MTOR: variants seen among roughly 807,000 people sequenced by gnomAD.
MTOR encodes the protein serine/threonine-protein kinase mTOR.
MTOR carries 70 observed loss-of-function variants against 319.8 expected under a neutral mutation model. The observed-to-expected ratio is 0.22, with a 90% CI of 0.18 to 0.27. The LOEUF (loss-of-function observed/expected upper bound fraction) is 0.27, where lower values mean the gene tolerates loss of function less well. Among genes scored for constraint, MTOR ranks in the 10% least tolerant of loss-of-function variants. The pLI, the probability that MTOR is intolerant of heterozygous loss-of-function variation, is 1.00. For missense variants in MTOR, 1,890 were observed against 3,274.4 expected (o/e 0.58, Z 10.32); for synonymous variants, 1,183 against 1,211.4 (o/e 0.98, Z 0.49).
chr1:11,143,786 A>C (rs1643823924), intron 34 of MTOR: 1 of 152,182 alleles, frequency 6.6e-6, no homozygotes, highest in African/African-American at 2.4e-5. Flanking sequence ...GAAATGGTTT[A>C]TAATTGCGGG....
intron 32 of MTOR, 43 bp downstream of exon 32, chr1:11,146,633 A>G (rs2275942): frequency 3.3e-6 from 5 of 1,517,598 alleles, no homozygotes; most frequent in South Asian, 1.1e-5. Context: ...AAGCACTACA[A>G]TCTTTTCCTC....
chr1:11,116,059 A>C (rs1642150730), intron 50 of MTOR, among the ~76,000 whole-genome samples: 1 of 152,234 alleles, frequency 6.6e-6, no homozygotes, highest in Non-Finnish European at 1.5e-5. Context: ...TTTACTCTCA[A>C]ATAGTTGCAT....
intron 28 of MTOR, chr1:11,193,854 T>G: frequency 1.4e-6 from 2 of 1,386,726 alleles, no homozygotes; most frequent in Non-Finnish European, 2.0e-6. Context: ...GTGCCATTCC[T>G]ATTCTGATTC....
chr1:11,152,157 C>A (rs559729173), intron 30 of MTOR, among the ~76,000 whole-genome samples: 1 of 152,110 alleles, frequency 6.6e-6, no homozygotes, highest in Non-Finnish European at 1.5e-5. Flanking sequence ...CAGAATATAC[C>A]GAGTCCTACC....
chr1:11,210,377 T>G (rs1167108561), intron 24 of MTOR, among the ~76,000 whole-genome samples: 1 of 152,224 alleles, frequency 6.6e-6, no homozygotes, highest in Non-Finnish European at 1.5e-5. Context: ...CTCAAACTCC[T>G]GGGCTCAAGC....
At chr1:11,243,090 TGA>T (rs2100921561) in intron 9 of MTOR, 22 bp downstream of exon 9, 1 of 1,611,290 alleles carries the variant, frequency 6.2e-7, no homozygotes, top group African/African-American at 1.3e-5. Flanking sequence ...GAGTGGAAGG[TGA>T]AATCATAACA....
At chr1:11,173,907 G>C (rs2100640579) in intron 28 of MTOR, among the ~76,000 whole-genome samples, 1 of 152,232 alleles carries the variant, frequency 6.6e-6, no homozygotes, top group South Asian at 2.1e-4. Context: ...CATCACGGGA[G>C]GCAACAAGAA....
At chr1:11,257,494 CAG>C (rs1276724468) in intron 3 of MTOR, among the ~76,000 whole-genome samples, 1 of 138,504 alleles carries the variant, frequency 7.2e-6, no homozygotes, top group Non-Finnish European at 1.5e-5. Context: ...ACCTGGGAGG[CAG>C]AGGTTGCAGT....
Position 11,121,274 on chromosome 1 carries a change from A to T in MTOR, c.6905T>A (p.Leu2302Gln). The T allele has an allele frequency of 6.2e-7, 1 of 1,613,940 alleles. No homozygotes were observed. Among genetic ancestry groups the T allele is most frequent in the Non-Finnish European group, 8.5e-7 (1 of 1,180,040 alleles). The change falls in exon 49 of 58, where the codon CTG becomes CAG. Residue 2302 changes from leucine (L) to glutamine (Q), a missense_variant. This residue lies in a region of MTOR where 249 missense variants were observed against 596.2 expected (regional missense o/e 0.42). Coordinates refer to ENST00000361445, the MANE Select transcript of MTOR (RefSeq NM_004958.4). This position sits in a 1 kb window ranked among gnomAD's most constrained non-coding sequence, Gnocchi z 4.9. ...GGAGCTGGGGCTTTTCAGCCACAGC[A>T]GCTTGGCCAGGTCGTCCCCAGCTGT... ...NNTAGDDLAK[L>Q]LWLKSPSSEV... is the part of the protein sequence containing the mutation.
At chr1:11,233,090 C>G (rs11121702) in intron 15 of MTOR, 1 of 1,111,954 alleles carries the variant, frequency 9.0e-7, no homozygotes, top group Non-Finnish European at 1.3e-6. Flanking sequence ...AAAAAAGACA[C>G]TGGAGAAGAA....
At chr1:11,257,380 CAAA>C (rs1006118528) in intron 3 of MTOR, among the ~76,000 whole-genome samples, 2 of 36,786 alleles carry the variant, frequency 5.4e-5, no homozygotes, top group Non-Finnish European at 1.2e-4. Flanking sequence ...TACTAAGATA[CAAA>C]AAAAAAAAAA....
Position 11,238,393 on chromosome 1 carries a change from A to G in MTOR, c.2002+9T>C. ...CTCCCCTAGATTCCTTCTGTCTGGC[A>G]AGCCTTACCAGGATCTGTTATCCCA... On this transcript the variant is annotated intron_variant, in intron 12 of 57. Coordinates refer to ENST00000361445, the MANE Select transcript of MTOR (RefSeq NM_004958.4). 1 of 1,613,554 alleles carries G rather than the reference A, an allele frequency of 6.2e-7. No individual in the cohort carries two copies. Among genetic ancestry groups the G allele is most frequent in the South Asian group, 1.1e-5 (1 of 91,028 alleles).
At chr1:11,237,331 G>A (rs1647341866) in intron 13 of MTOR, among the ~76,000 whole-genome samples, 1 of 152,148 alleles carries the variant, frequency 6.6e-6, no homozygotes, top group African/African-American at 2.4e-5. Flanking sequence ...AAGCAGCTGA[G>A]CTTGGCATTC....
At chr1:11,175,559 T>C (rs1229048026) in intron 28 of MTOR, among the ~76,000 whole-genome samples, 1 of 152,176 alleles carries the variant, frequency 6.6e-6, no homozygotes, top group Non-Finnish European at 1.5e-5. Flanking sequence ...CTGAACATCT[T>C]ATCCCCACTA....
chr1:11,252,717 G>A (rs1375358820), intron 6 of MTOR, among the ~76,000 whole-genome samples: 3 of 152,128 alleles, frequency 2.0e-5, no homozygotes, highest in Non-Finnish European at 2.9e-5. Context: ...TCTATTATAA[G>A]CAGGAATCCC....
At chr1:11,254,225 C>T (rs1346702694) in intron 5 of MTOR, among the ~76,000 whole-genome samples, 1 of 152,040 alleles carries the variant, frequency 6.6e-6, no homozygotes, top group East Asian at 1.9e-4. Context: ...CCACAACCTC[C>T]ACCTCCTGGG....
intron 49 of MTOR, among the ~76,000 whole-genome samples, chr1:11,120,045 GT>G (rs1490630570): frequency 7.3e-6 from 1 of 137,076 alleles, no homozygotes; most frequent in African/African-American, 2.7e-5. Context: ...GTGAGACTTT[GT>G]CTCTAAAAAA....
intron 25 of MTOR, among the ~76,000 whole-genome samples, chr1:11,207,427 TGAAGA>T (rs1646171928): frequency 6.8e-6 from 1 of 146,204 alleles, no homozygotes. Context: ...TTTTTTTTTT[TGAAGA>T]GAATCTTGCT....
intron 53 of MTOR, among the ~76,000 whole-genome samples, chr1:11,113,680 C>CA (rs1257129745): frequency 6.6e-6 from 1 of 152,040 alleles, no homozygotes; most frequent in African/African-American, 2.4e-5. Context: ...GTGGCATGAT[C>CA]ATAGCTCACT....
Sources: allele counts gnomAD v4.1 joint callset (sites outside exome capture counted in the v4.1 genomes callset), GRCh38; gene constraint gnomAD v4.1.1; regional missense constraint gnomAD v4.1.1; non-coding constraint Gnocchi (gnomAD v3.1); transcripts MANE v1.5; gene names NCBI Gene and HGNC (gene_info 2026-07-23, HGNC 2026-07-21).